TTC7B: variants seen among roughly 807,000 people sequenced by gnomAD.
The protein encoded by TTC7B is tetratricopeptide repeat protein 7B.
In TTC7B, 28 loss-of-function variants were observed where a neutral mutation model predicts 106.8. The ratio of observed to expected loss-of-function variants is 0.26; its 90% CI spans 0.19 to 0.36. TTC7B has a LOEUF of 0.36. TTC7B is among the 10% of genes least tolerant of loss of function. The pLI is 1.00. For missense variants in TTC7B, 862 were observed against 1,076.4 expected (o/e 0.80, Z 2.79); for synonymous variants, 405 against 430.6 (o/e 0.94, Z 0.74).
intron 3 of TTC7B, chr14:90,766,644 A>C: frequency 8.6e-7 from 1 of 1,166,934 alleles, no homozygotes; most frequent in Non-Finnish European, 1.3e-6. Flanking sequence ...GTGTGGGCCA[A>C]AGATATGTTC....
In TTC7B at chr14:90,549,174, C is replaced by T. The variant is rs185314896; in HGVS notation, c.2311-7585G>A. Among the ~76,000 whole-genome samples the T allele has an allele frequency of 2.6e-5, 4 of 152,166 alleles. No homozygotes were observed. The East Asian group carries it at 5.8e-4, about 22-fold the overall frequency. ...TTCTTAGCATCTGCAAGTCAGCCAC[C>T]GCTCATTGCAGCTGGTGGAGGTCAA... On this transcript the variant is annotated intron_variant, in intron 19 of 19. Transcript: ENST00000328459.
Position 90,657,835 on chromosome 14 carries a change from G to T in TTC7B, c.1236+469C>A, listed in dbSNP as rs35326021. On this transcript the variant is annotated intron_variant, in intron 10 of 19. Coordinates refer to ENST00000328459, the MANE Select transcript of TTC7B (RefSeq NM_001010854.2). This position sits in a 1 kb window ranked among gnomAD's most constrained non-coding sequence, Gnocchi z 4.2. ...TCCATTTTACCGAGGAAACTGAGCT[G>T]CTCAGTAACTTGCCTGGGTCACTCA... 24,002 of 190,410 alleles carry T rather than the reference G, an allele frequency of 0.13. 1,812 individuals are homozygous for T. Among genetic ancestry groups the T allele is most frequent in the Middle Eastern group, 0.18 (69 of 394 alleles). 11.8% of individuals were successfully genotyped at this position (190,410 alleles called of 1,614,324 possible). A position where few individuals can be genotyped will look rare whatever the true frequency, so the allele number is the denominator to read the frequency against.
intron 6 of TTC7B, among the ~76,000 whole-genome samples, chr14:90,691,373 A>G (rs1465023590): frequency 6.6e-6 from 1 of 152,204 alleles, no homozygotes; most frequent in African/African-American, 2.4e-5. Flanking sequence ...ATGTGATTGC[A>G]TATTCTGAAG....
intron 19 of TTC7B, among the ~76,000 whole-genome samples, chr14:90,559,108 C>T (rs578110198): frequency 2.6e-5 from 4 of 152,358 alleles, no homozygotes; most frequent in Admixed American, 6.5e-5. Flanking sequence ...TCAGCTGTGA[C>T]GGGCAGGGCA....
At chr14:90,597,789 G>A (rs1378875641) in intron 17 of TTC7B, among the ~76,000 whole-genome samples, 1 of 152,156 alleles carries the variant, frequency 6.6e-6, no homozygotes, top group Non-Finnish European at 1.5e-5. Flanking sequence ...GGAAACACTG[G>A]CTCTAACCAG....
At chr14:90,695,111 T>C (rs950228634) in intron 6 of TTC7B, among the ~76,000 whole-genome samples, 1 of 124,914 alleles carries the variant, frequency 8.0e-6, no homozygotes, top group African/African-American at 2.9e-5. Context: ...TATTTTATTA[T>C]AAAATAGGTA....
At chr14:90,634,767 C>T (rs1485328465) in intron 15 of TTC7B, among the ~76,000 whole-genome samples, 1 of 151,546 alleles carries the variant, frequency 6.6e-6, no homozygotes, top group African/African-American at 2.4e-5. Flanking sequence ...ACAAGACTGT[C>T]TCAAAAAAAC....
chr14:90,769,232 A>G lies in TTC7B; in HGVS notation c.445+11506T>C, dbSNP rs1890785644. On this transcript the variant is annotated intron_variant, in intron 3 of 19. Transcript: ENST00000328459. ...ATTTCGCTACAAAAAAAATCAACTAACAAAAGAAGACAATAATGCAGAAAG... is the reference window on the plus strand; with the variant it reads ...ATTTCGCTACAAAAAAAATCAACTAGCAAAAGAAGACAATAATGCAGAAAG... Among the ~76,000 whole-genome samples the G allele has an allele frequency of 2.6e-5, 4 of 152,236 alleles. No homozygotes were observed. In the South Asian group the frequency reaches 8.3e-4, roughly 32 times the overall value.
intron 15 of TTC7B, among the ~76,000 whole-genome samples, chr14:90,623,041 A>G (rs74522087): frequency 0.012 from 1,758 of 152,154 alleles, 33 homozygotes; most frequent in African/African-American, 0.04. Flanking sequence ...TATTCTTTCC[A>G]TCCATTTCTG....
chr14:90,739,671 C>T (rs989301397), intron 4 of TTC7B, among the ~76,000 whole-genome samples: 7 of 152,140 alleles, frequency 4.6e-5, no homozygotes, highest in Non-Finnish European at 7.4e-5. Context: ...TCATGGGTAC[C>T]CCATAACTTA....
chr14:90,613,134 G>T (rs2139843825), intron 16 of TTC7B, among the ~76,000 whole-genome samples: 1 of 152,354 alleles, frequency 6.6e-6, no homozygotes, highest in South Asian at 2.1e-4. Context: ...AATGGTTCAT[G>T]CCTGTCATCT....
intron 9 of TTC7B, among the ~76,000 whole-genome samples, chr14:90,659,574 T>A (rs956654499): frequency 6.6e-6 from 1 of 150,980 alleles, no homozygotes; most frequent in African/African-American, 2.4e-5. Flanking sequence ...GGGATCTGGG[T>A]GGGAGGGCAT....
chr14:90,803,855 T>G (rs1386587850), intron 1 of TTC7B, among the ~76,000 whole-genome samples: 3 of 151,580 alleles, frequency 2.0e-5, no homozygotes, highest in African/African-American at 7.3e-5. Context: ...AGAAGCCTGA[T>G]ACAAGAAAAG....
chr14:90,715,138 A>G (rs557251383), intron 5 of TTC7B, among the ~76,000 whole-genome samples: 1 of 152,276 alleles, frequency 6.6e-6, no homozygotes, highest in East Asian at 1.9e-4. Context: ...GTTGATGGCT[A>G]TTTTAGGGTC....
intron 1 of TTC7B, among the ~76,000 whole-genome samples, chr14:90,814,435 C>T (rs1176907670): frequency 6.6e-6 from 1 of 152,228 alleles, no homozygotes; most frequent in African/African-American, 2.4e-5. Context: ...TATCACCTGC[C>T]TCCTGAGAGC....
rs1041788301 is a variant in TTC7B at position 90,802,218 on chromosome 14, A to G, written c.121+13957T>C. Among the ~76,000 whole-genome samples, 1 of 152,124 alleles carries G rather than the reference A, an allele frequency of 6.6e-6. No homozygotes were observed. Among genetic ancestry groups the G allele is most frequent in the African/African-American group, 2.4e-5 (1 of 41,426 alleles). On this transcript the variant is annotated intron_variant, in intron 1 of 19. Transcript: ENST00000328459. The surrounding 1 kb of genome is among the most constrained non-coding windows in gnomAD (Gnocchi z 4.7). ...GGACTGCGGGGTACAAGCCTAACTC[A>G]CTGGACTGAGGGTTTGCTAGGGAAG... is the stretch of plus-strand genomic sequence containing the variant.
chr14:90,800,079 G>A (rs1053147249), intron 1 of TTC7B, among the ~76,000 whole-genome samples: 5 of 152,034 alleles, frequency 3.3e-5, no homozygotes, highest in Non-Finnish European at 4.4e-5. Flanking sequence ...TGATCCACCC[G>A]CCTTGTCCTC....
At chr14:90,552,697 C>T (rs1042321837) in intron 19 of TTC7B, among the ~76,000 whole-genome samples, 2 of 152,178 alleles carry the variant, frequency 1.3e-5, no homozygotes, top group Admixed American at 6.5e-5. Context: ...TTAAGAAGGG[C>T]GTCCTTCTGA....
chr14:90,619,600 C>A (rs1893227092), intron 15 of TTC7B, among the ~76,000 whole-genome samples: 1 of 152,182 alleles, frequency 6.6e-6, no homozygotes, highest in African/African-American at 2.4e-5. Flanking sequence ...CTCCTGCTGA[C>A]CGAAGGCATC....
Sources: allele counts gnomAD v4.1 joint callset (sites outside exome capture counted in the v4.1 genomes callset), GRCh38; gene constraint gnomAD v4.1.1; non-coding constraint Gnocchi (gnomAD v3.1); transcripts MANE v1.5; gene names NCBI Gene and HGNC (gene_info 2026-07-23, HGNC 2026-07-21).